DNAH11: variants seen among roughly 807,000 people sequenced by gnomAD.
DNAH11 encodes dynein axonemal heavy chain 11.
Under a neutral mutation model 526.0 loss-of-function variants are expected in DNAH11, and 442 were observed. The observed-to-expected ratio is 0.84, with a 90% confidence interval of 0.78 to 0.91. The LOEUF is 0.91. Ranked by LOEUF, DNAH11 falls within the 40% of genes least tolerant of loss-of-function variation. The pLI, the probability that DNAH11 is intolerant of heterozygous loss-of-function variation, is 0.00. For synonymous variants in DNAH11, 2,461 were observed against 1,935.9 expected (o/e 1.27, Z -7.12); for missense variants, 6,989 against 5,448.7 (o/e 1.28, Z -8.90).
rs150389683 is a variant in DNAH11, at chr7:21,814,085, G to A, written c.10333-2382G>A. Among the ~76,000 whole-genome samples the A allele has an allele frequency of 5.6e-3, 852 of 152,292 alleles. 19 individuals carry two copies. Among genetic ancestry groups the A allele is most frequent in the African/African-American group, 0.018 (765 of 41,560 alleles). On this transcript the variant is annotated intron_variant, in intron 63 of 81. Coordinates refer to ENST00000409508, the MANE Select transcript of DNAH11 (RefSeq NM_001277115.2). The stretch of plus-strand genomic sequence containing the variant: ...ACAGCATGTTATTTTATTGAATGCT[G>A]TAGGCAATTGTAGCACAATGGTAAG...
intron 61 of DNAH11, among the ~76,000 whole-genome samples, chr7:21,796,960 A>G (rs1788742079): frequency 6.6e-6 from 1 of 152,184 alleles, no homozygotes; most frequent in Non-Finnish European, 1.5e-5. Flanking sequence ...TGTTTATCAG[A>G]TCACATGTTT....
chr7:21,544,916 C>T, intron 1 of DNAH11, 90 bp from the exon 2 acceptor site: 1 of 1,146,506 alleles, frequency 8.7e-7, no homozygotes, highest in Non-Finnish European at 1.2e-6. Context: ...TTTGTTTCTT[C>T]TGCTAGCAAT....
chr7:21,857,055 A>G (rs1182720542), intron 68 of DNAH11, among the ~76,000 whole-genome samples: 1 of 152,216 alleles, frequency 6.6e-6, no homozygotes, highest in Non-Finnish European at 1.5e-5. Flanking sequence ...TGACCTGATT[A>G]TGTATATAGA....
At position 21,687,260 on chromosome 7, in the gene DNAH11, G is replaced by T; in HGVS notation, c.5778+5G>T. ...TCAGAGCAAATGGACTACAAAGTAA[G>T]TTAGTAAGAGAATAATGTGTAAAAC... On this transcript the variant is annotated splice_donor_5th_base_variant and intron_variant, in intron 33 of 81. Transcript: ENST00000409508. 2 of 1,571,294 alleles carry T rather than the reference G, an allele frequency of 1.3e-6. No individual in the cohort carries two copies. The highest frequency in any genetic ancestry group is 8.6e-7 in the Non-Finnish European group (1 of 1,158,710).
In DNAH11 at chr7:21,867,973, G is replaced by A. The variant is rs187489343; in HGVS notation, c.11805G>A (p.Pro3935=). The change falls in exon 72 of 82, where the codon CCG becomes CCA. Residue 3935 remains proline, a synonymous_variant. Transcript: ENST00000409508. The stretch of plus-strand genomic sequence containing the variant: ...CCCCCATATTCTTCATCCTGTCTCC[G>A]GGGGTAGATGCCCTTAAAGACCTGG... ...PATPIFFILS[P]GVDALKDLEI... 6.6e-4 allele frequency: 1,037 copies of A among 1,560,822 alleles called. 13 individuals are homozygous for A. The African/African-American group carries it at 0.01, about 16-fold the overall frequency.
chr7:21,622,905 T>C (rs1166698040), intron 25 of DNAH11, among the ~76,000 whole-genome samples: 1 of 152,058 alleles, frequency 6.6e-6, no homozygotes, highest in Non-Finnish European at 1.5e-5. Context: ...GACATAGGCA[T>C]GGGCAAGGAC....
Position 21,687,180 on chromosome 7 carries a change from G to A in DNAH11, c.5703G>A (p.Glu1901=). Residue 1901 remains glutamate, a synonymous_variant, in exon 33 of 82, where the codon GAG becomes GAA. Transcript: ENST00000409508. ...PAGPAGTGKT[E]TTKDLGRALG... ...GCCCAGCTGGTACCGGGAAAACAGA[G>A]ACCACCAAAGACCTAGGACGTGCCC... 1 of 1,612,382 alleles carries A rather than the reference G, an allele frequency of 6.2e-7. No individual in the cohort carries two copies.
chr7:21,599,966 C>T lies in DNAH11; in HGVS notation c.2847C>T (p.Ile949=), dbSNP rs1248712632. The T allele has an allele frequency of 3.1e-6, 5 of 1,613,470 alleles. No individual in the cohort carries two copies. The highest frequency in any genetic ancestry group is 1.1e-5 in the South Asian group (1 of 91,064). The change falls in exon 15 of 82, where the codon ATC becomes ATT. Residue 949 remains isoleucine, a synonymous_variant. Coordinates refer to ENST00000409508, the MANE Select transcript of DNAH11 (RefSeq NM_001277115.2). ...CACCGTTTTTTCAAGCACAAATGATCTTGTTGCCTCCTGAGATTGTGTTTA... is the reference window on the plus strand; with the variant it reads ...CACCGTTTTTTCAAGCACAAATGATTTTGTTGCCTCCTGAGATTGTGTTTA... ...KPAPFFQAQM[I]LLPPEIVFKP...
intron 6 of DNAH11, among the ~76,000 whole-genome samples, chr7:21,568,474 C>A (rs757123007): frequency 6.6e-6 from 1 of 152,126 alleles, no homozygotes; most frequent in African/African-American, 2.4e-5. Flanking sequence ...AGTTTGTGGC[C>A]CCTAGTAGGG....
chr7:21,656,653 C>T (rs930162519), intron 29 of DNAH11, among the ~76,000 whole-genome samples: 2 of 152,264 alleles, frequency 1.3e-5, no homozygotes, highest in African/African-American at 4.8e-5. Flanking sequence ...GCTTGCGTAG[C>T]TTGGGTTAAT....
At chr7:21,563,133 A>G (rs1028856681) in intron 5 of DNAH11, among the ~76,000 whole-genome samples, 2 of 152,226 alleles carry the variant, frequency 1.3e-5, no homozygotes, top group African/African-American at 2.4e-5. Context: ...TTTGGATTCA[A>G]TTAAGCAGTC....
intron 30 of DNAH11, among the ~76,000 whole-genome samples, chr7:21,669,497 CTTTA>C (rs1031119077): frequency 9.2e-5 from 14 of 151,842 alleles, no homozygotes; most frequent in Non-Finnish European, 1.9e-4. Flanking sequence ...TGTAGGATTT[CTTTA>C]TTTATTTGGG....
chr7:21,875,877 CTTTTTTTTTTTTT>C (rs35349937), intron 74 of DNAH11, among the ~76,000 whole-genome samples: 6 of 78,940 alleles, frequency 7.6e-5, no homozygotes, highest in Admixed American at 3.3e-4. Flanking sequence ...AAGAATATTT[CTTTTTTTTTTTTT>C]TTTTTTTTTT....
In DNAH11 at chr7:21,635,966, C is replaced by A; in HGVS notation, c.4596C>A (p.Val1532=). 1 of 1,613,550 alleles carries A rather than the reference C, an allele frequency of 6.2e-7. No individual in the cohort carries two copies. Among genetic ancestry groups the A allele is most frequent in the South Asian group, 1.1e-5 (1 of 90,920 alleles). ...WQNKLNIADL[V]IFTWMEVQRT... is the part of the protein sequence containing the mutation. ...ATAAATTAAACATAGCAGACTTGGT[C>A]ATCTTCACTTGGATGGAAGTCCAGC... The change falls in exon 26 of 82, where the codon GTC becomes GTA. Residue 1532 remains valine (V), a synonymous_variant. Transcript: ENST00000409508.
At chr7:21,749,166 AC>A (rs1485926691) in intron 52 of DNAH11, among the ~76,000 whole-genome samples, 3 of 152,334 alleles carry the variant, frequency 2.0e-5, no homozygotes, top group South Asian at 4.1e-4. Context: ...AAGAGGAATA[AC>A]ACGTTTAGGA....
intron 65 of DNAH11, among the ~76,000 whole-genome samples, chr7:21,825,872 C>T (rs1460782942): frequency 4.0e-5 from 6 of 150,510 alleles, no homozygotes; most frequent in East Asian, 2.0e-4. Flanking sequence ...GGCAGGAGAA[C>T]GGCATGAACC....
intron 36 of DNAH11, 35 bp downstream of exon 36, chr7:21,698,248 C>T (rs1321402613): frequency 1.2e-6 from 2 of 1,608,964 alleles, no homozygotes; most frequent in Non-Finnish European, 8.5e-7. Context: ...CTTGTTTTTA[C>T]ATACCATTGA....
intron 77 of DNAH11, among the ~76,000 whole-genome samples, chr7:21,893,046 G>A (rs1201820202): frequency 6.6e-6 from 1 of 152,152 alleles, no homozygotes; most frequent in East Asian, 1.9e-4. Context: ...AATTCTATAT[G>A]AATATAAAAT....
intron 42 of DNAH11, among the ~76,000 whole-genome samples, chr7:21,712,998 T>C (rs180875966): frequency 6.6e-6 from 1 of 152,148 alleles, no homozygotes; most frequent in African/African-American, 2.4e-5. Flanking sequence ...AAGAAATCAC[T>C]TAGGTTATGT....
Sources: allele counts gnomAD v4.1 joint callset (sites outside exome capture counted in the v4.1 genomes callset), GRCh38; gene constraint gnomAD v4.1.1; transcripts MANE v1.5; gene names NCBI Gene and HGNC (gene_info 2026-07-23, HGNC 2026-07-21).